The following ETS1 variants were observed in gnomAD, a reference collection of about 807,000 sequenced individuals.
ETS1 encodes the protein ETS proto-oncogene 1, transcription factor.
Under a neutral mutation model 58.6 loss-of-function variants are expected in ETS1, and 15 were observed. The ratio of observed to expected loss-of-function variants is 0.26; its 90% CI spans 0.17 to 0.39. ETS1 has a LOEUF of 0.39. Ranked by LOEUF, ETS1 falls within the 10% of genes least tolerant of loss-of-function variation. The pLI is 1.00. For synonymous variants in ETS1, 214 were observed against 218.2 expected, an observed-to-expected ratio of 0.98 and a Z score of 0.17; for missense variants, 417 against 610.5, an observed-to-expected ratio of 0.68 and a Z score of 3.34.
At chr11:128,470,123 C>A (rs1565366788) in intron 8 of ETS1, among the ~76,000 whole-genome samples, 1 of 152,158 alleles carries the variant, frequency 6.6e-6, no homozygotes, top group East Asian at 1.9e-4. Context: ...GCTGAGATAG[C>A]CAGTATCTAA....
chr11:128,537,128 A>G (rs1354053202), intron 3 of ETS1, among the ~76,000 whole-genome samples: 2 of 152,176 alleles, frequency 1.3e-5, no homozygotes, highest in African/African-American at 4.8e-5. Context: ...CTGAAGATGC[A>G]TATTAGCTCA....
chr11:128,548,804 G>A (rs937160127), intron 3 of ETS1, among the ~76,000 whole-genome samples: 3 of 152,212 alleles, frequency 2.0e-5, no homozygotes, highest in African/African-American at 4.8e-5. Context: ...CAGCGCCGGG[G>A]TTAACCCTCC....
At chr11:128,577,912 A>AG (rs1864783857) in intron 1 of ETS1, among the ~76,000 whole-genome samples, 1 of 129,136 alleles carries the variant, frequency 7.7e-6, no homozygotes, top group African/African-American at 2.8e-5. Context: ...TCTGCCAAAA[A>AG]GCCAAAAAAA....
At chr11:128,540,681 G>A (rs1350710767) in intron 3 of ETS1, among the ~76,000 whole-genome samples, 1 of 152,146 alleles carries the variant, frequency 6.6e-6, no homozygotes, top group African/African-American at 2.4e-5. Flanking sequence ...TTAGAGAGAG[G>A]CTGCCCGGGA....
intron 6 of ETS1, among the ~76,000 whole-genome samples, chr11:128,485,283 C>T (rs770061079): frequency 4.6e-5 from 7 of 152,170 alleles, no homozygotes; most frequent in Non-Finnish European, 7.3e-5. Context: ...TTCATATCCT[C>T]ATCTCTAAAA....
At chr11:128,577,998 T>A (rs1038325489) in intron 1 of ETS1, among the ~76,000 whole-genome samples, 1 of 151,390 alleles carries the variant, frequency 6.6e-6, no homozygotes, top group African/African-American at 2.4e-5. Flanking sequence ...GAAACAAGCA[T>A]GAGATGGAGA....
At chr11:128,486,024 T>C in intron 6 of ETS1, 45 bp downstream of exon 6, 1 of 1,199,142 alleles carries the variant, frequency 8.3e-7, no homozygotes, top group Non-Finnish European at 1.2e-6. Flanking sequence ...GGTCTTTTCC[T>C]AGTTTGCTAT....
chr11:128,563,471 C>T (rs149492902), intron 2 of ETS1, among the ~76,000 whole-genome samples: 8 of 152,272 alleles, frequency 5.3e-5, no homozygotes, highest in African/African-American at 1.9e-4. Flanking sequence ...GCTGTGTAAC[C>T]TCTGGGCTAT....
In ETS1 at chr11:128,556,548, GA is replaced by G. The variant is rs1415911005; in HGVS notation, c.70-114del. 5.9e-6 allele frequency: 4 copies of G among 680,982 alleles called. No individual in the cohort carries two copies. In the African/African-American group the frequency reaches 7.3e-5, roughly 12 times the overall value. 42.2% of individuals were successfully genotyped at this position (680,982 alleles called of 1,614,324 possible). A position where few individuals can be genotyped will look rare whatever the true frequency, so the allele number is the denominator to read the frequency against. On this transcript the variant is annotated intron_variant, in intron 2 of 9. Coordinates refer to ENST00000392668, the MANE Select transcript of ETS1 (RefSeq NM_001143820.2). Reference sequence around the variant, plus strand: ...CACATGTAAGTAAGAATCATCTATAGATGATGACAGAACAGAGCCAACTCTT... The same window carrying G: ...CACATGTAAGTAAGAATCATCTATAGTGATGACAGAACAGAGCCAACTCTT...
In ETS1 at chr11:128,490,467, C is replaced by T; in HGVS notation, c.324G>A (p.Gly108=). 6.2e-7 allele frequency: 1 copy of T among 1,614,072 alleles called. No homozygotes were observed. Among genetic ancestry groups the T allele is most frequent in the Non-Finnish European group, 8.5e-7 (1 of 1,179,934 alleles). Residue 108 remains glycine (G), a synonymous_variant, in exon 4 of 10, where the codon GGG becomes GGA. Coordinates refer to ENST00000392668, the MANE Select transcript of ETS1 (RefSeq NM_001143820.2). ...SGFTKEQQRL[G]IPKDPRQWTE... ...ACTACAAAACCATACCTTTTGGGATCCCCAGTCGTTGCTGTTCTTTAGTGA... is the reference window on the plus strand; with the variant it reads ...ACTACAAAACCATACCTTTTGGGATTCCCAGTCGTTGCTGTTCTTTAGTGA...
chr11:128,468,663 G>A (rs866769278), intron 8 of ETS1, among the ~76,000 whole-genome samples: 1 of 152,162 alleles, frequency 6.6e-6, no homozygotes, highest in African/African-American at 2.4e-5. Context: ...ACGCTGGGCA[G>A]GCACCTTCCC....
At chr11:128,556,606 G>T (rs963195469) in intron 2 of ETS1, among the ~76,000 whole-genome samples, 171 bp from the exon 3 acceptor site, 2 of 152,100 alleles carry the variant, frequency 1.3e-5, no homozygotes, top group Admixed American at 1.3e-4. Flanking sequence ...ACATAAAGAC[G>T]CAGGGAACGA....
intron 3 of ETS1, chr11:128,522,283 G>C (rs922290423): frequency 1.8e-6 from 2 of 1,118,688 alleles, no homozygotes; most frequent in Non-Finnish European, 2.2e-6. Context: ...CCTCTCCGCC[G>C]GCGGCTGCCT....
chr11:128,478,362 AGGAAGGAAGGGAGGGAGGGAGGAAG>A, intron 8 of ETS1, among the ~76,000 whole-genome samples: 1 of 9,614 alleles, frequency 1.0e-4, no homozygotes, highest in Non-Finnish European at 1.8e-4. Context: ...GGAAGGAAGG[AGGAAGGAAGGGAGGGAGGGAGGAAG>A]GGAGGGAGGG....
At chr11:128,521,829 G>T in intron 3 of ETS1, 2 of 1,094,594 alleles carry the variant, frequency 1.8e-6, no homozygotes, top group Admixed American at 2.3e-5. Flanking sequence ...GCCCAGAAGG[G>T]AACGGCGAAA....
In ETS1 at chr11:128,526,490, A is replaced by G. The variant is rs150621689; in HGVS notation, c.214+29801T>C. On this transcript the variant is annotated intron_variant, in intron 3 of 9. Transcript: ENST00000392668. Reference sequence around the variant, plus strand: ...GATTATTGTTATTAAGATCTAGTATACGGTAGAATATGTGGGAAATCACAT... The same window carrying G: ...GATTATTGTTATTAAGATCTAGTATGCGGTAGAATATGTGGGAAATCACAT... 3.4e-4 allele frequency: 62 copies of G among 182,268 alleles called. 1 individual carries two copies. The East Asian group carries it at 0.01, about 30-fold the overall frequency. 11.3% of individuals were successfully genotyped at this position (182,268 alleles called of 1,614,324 possible). A position where few individuals can be genotyped will look rare whatever the true frequency, so the allele number is the denominator to read the frequency against.
chr11:128,573,652 C>T (rs1010268256), intron 1 of ETS1, among the ~76,000 whole-genome samples: 4 of 152,120 alleles, frequency 2.6e-5, no homozygotes, highest in African/African-American at 7.2e-5. Context: ...CAGAGAGAAA[C>T]CCTGCAAAAG....
At chr11:128,521,751 C>CCTCCTT (rs1230043622) in intron 3 of ETS1, among the ~76,000 whole-genome samples, 1 of 152,224 alleles carries the variant, frequency 6.6e-6, no homozygotes, top group Non-Finnish European at 1.5e-5. Context: ...TCCTCCTCCT[C>CCTCCTT]CTCCTTCTCC....
At chr11:128,470,271 C>T (rs1410817522) in intron 8 of ETS1, among the ~76,000 whole-genome samples, 2 of 152,174 alleles carry the variant, frequency 1.3e-5, no homozygotes, top group African/African-American at 2.4e-5. Context: ...AGCCATTTTA[C>T]ATGTCAGGCA....
Sources: gnomAD v4.1 joint callset for allele counts (sites outside exome capture counted in the v4.1 genomes callset) on GRCh38, gnomAD v4.1.1 for gene constraint, MANE v1.5 for transcripts, NCBI Gene and HGNC (gene_info 2026-07-23, HGNC 2026-07-21) for gene names.